The following ARFGEF1 variants were observed in gnomAD, a reference collection of about 807,000 sequenced individuals.
ARFGEF1 encodes ARF guanine nucleotide exchange factor 1.
ARFGEF1 carries 42 observed loss-of-function variants against 231.0 expected under a neutral mutation model. That is an observed-to-expected ratio of 0.18 (90% CI 0.14 to 0.24). The LOEUF is 0.24. ARFGEF1 is among the 10% of genes least tolerant of loss of function. The pLI is 1.00. For missense variants in ARFGEF1, 1,345 were observed against 2,192.0 expected (o/e 0.61, Z 7.72); for synonymous variants, 710 against 732.3 (o/e 0.97, Z 0.49).
chr8:67,190,540 G>T, intron 5 of ARFGEF1: 1 of 758,844 alleles, frequency 1.3e-6, no homozygotes, highest in South Asian at 1.5e-5. Context: ...CATTGAGTGT[G>T]TTTCATGGTA....
Position 67,343,434 on chromosome 8 carries a change from A to G in ARFGEF1, c.-147T>C. The G allele has an allele frequency of 1.4e-6, 2 of 1,396,534 alleles. No homozygotes were observed. The highest frequency in any genetic ancestry group is 1.9e-6 in the Non-Finnish European group (2 of 1,071,034). The allele number at this position is 1,396,534 out of a possible 1,614,324, so 86.5% of individuals were successfully genotyped here. ...CGTGGAGGGCAGCGGCAGGATCAGG[A>G]AGGGGCGGGCGAGCGGGACCAGCCG... On this transcript the variant is annotated 5_prime_UTR_variant, in exon 1 of 39. Coordinates refer to ENST00000262215, the MANE Select transcript of ARFGEF1 (RefSeq NM_006421.5).
Position 67,287,944 on chromosome 8 carries a change from A to T in ARFGEF1, c.1027+11T>A. ...AGACAGAGTAAAATAATTTTGAATG[A>T]AGTATACTACCTCCAACAACAATGT... is the stretch of plus-strand genomic sequence containing the variant. On this transcript the variant is annotated intron_variant, in intron 7 of 38. Transcript: ENST00000262215. The T allele has an allele frequency of 1.3e-6, 2 of 1,535,248 alleles. No individual in the cohort carries two copies. Among genetic ancestry groups the T allele is most frequent in the Non-Finnish European group, 1.8e-6 (2 of 1,139,390 alleles).
chr8:67,308,967 C>T (rs1388979696), intron 1 of ARFGEF1, among the ~76,000 whole-genome samples: 1 of 151,994 alleles, frequency 6.6e-6, no homozygotes, highest in Non-Finnish European at 1.5e-5. Context: ...TTATTTATTA[C>T]AGTCACAGTA....
At chr8:67,211,368 A>AAAAAATG in intron 34 of ARFGEF1, 115 bp downstream of exon 34, 1 of 596,864 alleles carries the variant, frequency 1.7e-6, no homozygotes. Flanking sequence ...AAAAAAAAGA[A>AAAAAATG]GTGATGACAC....
chr8:67,206,508 C>T (rs1425697859), intron 34 of ARFGEF1, among the ~76,000 whole-genome samples: 1 of 151,800 alleles, frequency 6.6e-6, no homozygotes, highest in Non-Finnish European at 1.5e-5. Flanking sequence ...TTCCCCTCAT[C>T]AGCTATACAC....
chr8:67,310,688 G>T (rs1806969887), intron 1 of ARFGEF1, among the ~76,000 whole-genome samples: 1 of 145,030 alleles, frequency 6.9e-6, no homozygotes, highest in African/African-American at 2.5e-5. Flanking sequence ...TCTGAGATGT[G>T]GGGAGCGCCT....
rs1839115306 is a variant in ARFGEF1, at chr8:67,220,637, C to T, written c.4209-1077G>A. Among the ~76,000 whole-genome samples, 7 of 152,318 alleles carry T rather than the reference C, an allele frequency of 4.6e-5. No individual in the cohort carries two copies. In the South Asian group the frequency reaches 1.4e-3, roughly 32 times the overall value. ...TAAAGAAACTCCCGGGAAAGAAAGT[C>T]TTCCACAGGAGACGCCTGTCAGAGT... On this transcript the variant is annotated intron_variant, in intron 29 of 38. Coordinates refer to ENST00000262215, the MANE Select transcript of ARFGEF1 (RefSeq NM_006421.5).
intron 1 of ARFGEF1, among the ~76,000 whole-genome samples, chr8:67,326,218 A>G (rs998119438): frequency 6.6e-6 from 1 of 152,094 alleles, no homozygotes; most frequent in Non-Finnish European, 1.5e-5. Flanking sequence ...AAAAGAAATA[A>G]AAGAAAAAGA....
chr8:67,182,467 G>A (rs1833299527), intron 5 of ARFGEF1, among the ~76,000 whole-genome samples: 1 of 152,204 alleles, frequency 6.6e-6, no homozygotes, highest in South Asian at 2.1e-4. Flanking sequence ...TTATCTGTTG[G>A]AGTCACTGCT....
At chr8:67,303,105 CA>C (rs879885919) in intron 1 of ARFGEF1, among the ~76,000 whole-genome samples, 177 of 129,926 alleles carry the variant, frequency 1.4e-3, no homozygotes, top group Non-Finnish European at 1.1e-3. Context: ...GTCCTCCCAC[CA>C]AAAAAAAAAA....
intron 25 of ARFGEF1, 64 bp from the exon 26 acceptor site, chr8:67,227,662 ATTTTTT>A: frequency 1.9e-6 from 3 of 1,545,470 alleles, no homozygotes; most frequent in Non-Finnish European, 2.6e-6. Context: ...ACAATTCTTT[ATTTTTT>A]GTTTTAGAAA....
At chr8:67,270,128 A>C (rs923989257) in intron 10 of ARFGEF1, among the ~76,000 whole-genome samples, 16 of 152,176 alleles carry the variant, frequency 1.1e-4, no homozygotes, top group African/African-American at 3.9e-4. Context: ...TTTTATTTAT[A>C]GTTCCTACAG....
downstream of ARFGEF1, chr8:67,195,539 T>A: frequency 6.2e-7 from 1 of 1,614,218 alleles, no homozygotes; most frequent in Non-Finnish European, 8.5e-7. Flanking sequence ...AGCAGCAGAT[T>A]CCTGGAAAAC....
chr8:67,274,866 T>G (rs928804085), intron 9 of ARFGEF1, among the ~76,000 whole-genome samples: 1 of 152,136 alleles, frequency 6.6e-6, no homozygotes, highest in African/African-American at 2.4e-5. Flanking sequence ...TGAATGAGAC[T>G]TTTTAAAATT....
chr8:67,175,197 T>G, downstream of ARFGEF1: 1 of 854,268 alleles, frequency 1.2e-6, no homozygotes, highest in Admixed American at 2.3e-5. Context: ...TTTCCTTGAT[T>G]TTGAAATTAG....
At chr8:67,279,202 C>T (rs191971877) in intron 7 of ARFGEF1, among the ~76,000 whole-genome samples, 16 of 152,248 alleles carry the variant, frequency 1.1e-4, no homozygotes, top group Non-Finnish European at 1.5e-4. Context: ...CTATCTCATT[C>T]CCCAGAGTAC....
At chr8:67,296,937 C>A (rs1806262007) in intron 4 of ARFGEF1, among the ~76,000 whole-genome samples, 1 of 152,148 alleles carries the variant, frequency 6.6e-6, no homozygotes, top group African/African-American at 2.4e-5. Flanking sequence ...CAGGCATGAG[C>A]CACCACACCC....
downstream of ARFGEF1, among the ~76,000 whole-genome samples, chr8:67,193,110 T>C (rs150338424): frequency 3.7e-4 from 56 of 152,288 alleles, no homozygotes; most frequent in African/African-American, 1.1e-3. Context: ...AGAGGATGTT[T>C]TGATTTGCTG....
chr8:67,305,639 G>A lies in ARFGEF1; in HGVS notation c.125-3173C>T, dbSNP rs182324958. Among the ~76,000 whole-genome samples, 646 of 152,220 alleles carry A rather than the reference G, an allele frequency of 4.2e-3. 9 individuals are homozygous for A. The highest frequency in any genetic ancestry group is 0.015 in the African/African-American group (612 of 41,550). ...TGGGATTACAGGTGTGAGCCACCGC[G>A]CCCGGCCTTGTTTTTCTAGTCTTAA... On this transcript the variant is annotated intron_variant, in intron 1 of 38. Coordinates refer to ENST00000262215, the MANE Select transcript of ARFGEF1 (RefSeq NM_006421.5).
Sources: allele counts gnomAD v4.1 joint callset (sites outside exome capture counted in the v4.1 genomes callset), GRCh38; gene constraint gnomAD v4.1.1; transcripts MANE v1.5; gene names NCBI Gene and HGNC (gene_info 2026-07-23, HGNC 2026-07-21).